The following CDK6 variants were observed in gnomAD, a reference collection of about 807,000 sequenced individuals.
The protein encoded by CDK6 is cyclin-dependent kinase 6.
A neutral mutation model predicts 37.1 loss-of-function variants in CDK6; 6 were observed. The observed-to-expected ratio is 0.16, with a 90% confidence interval of 0.09 to 0.32. The LOEUF is 0.32. CDK6 is among the 10% of genes least tolerant of loss of function. CDK6 has a pLI of 1.00. For missense variants in CDK6, 224 were observed against 418.9 expected (o/e 0.53, Z 4.06); for synonymous variants, 160 against 161.3 (o/e 0.99, Z 0.06).
At chr7:92,690,117 CTTTAG>C (rs1797568952) in intron 4 of CDK6, among the ~76,000 whole-genome samples, 3 of 152,028 alleles carry the variant, frequency 2.0e-5, no homozygotes, top group South Asian at 2.1e-4. Flanking sequence ...TGCAGAAGCT[CTTTAG>C]TTTAGTTAAC....
intron 5 of CDK6, among the ~76,000 whole-genome samples, chr7:92,630,006 T>G (rs1796016907): frequency 6.6e-6 from 1 of 152,104 alleles, no homozygotes; most frequent in Admixed American, 6.6e-5. Flanking sequence ...CATTTAATCC[T>G]AATAATCTCC....
intron 2 of CDK6, among the ~76,000 whole-genome samples, chr7:92,802,501 T>G (rs1800606262): frequency 6.6e-6 from 1 of 152,174 alleles, no homozygotes; most frequent in Non-Finnish European, 1.5e-5. Context: ...ATTAAGAGAA[T>G]TCTGTCTACT....
At chr7:92,696,433 T>A (rs1272088102) in intron 4 of CDK6, among the ~76,000 whole-genome samples, 1 of 152,230 alleles carries the variant, frequency 6.6e-6, no homozygotes, top group Non-Finnish European at 1.5e-5. Flanking sequence ...AATAATCTTT[T>A]ATTCTTAATG....
intron 4 of CDK6, among the ~76,000 whole-genome samples, chr7:92,675,074 T>C (rs1243390792): frequency 6.6e-6 from 1 of 152,236 alleles, no homozygotes; most frequent in Admixed American, 6.5e-5. Flanking sequence ...CCTCAGGTGA[T>C]CTGCCCACCT....
chr7:92,658,296 G>C (rs928858706), intron 5 of CDK6, among the ~76,000 whole-genome samples: 3 of 151,982 alleles, frequency 2.0e-5, no homozygotes, highest in African/African-American at 7.3e-5. Flanking sequence ...CATAAAATAA[G>C]CACAAAGATT....
chr7:92,732,025 C>T (rs1470506688), intron 3 of CDK6, among the ~76,000 whole-genome samples: 1 of 152,178 alleles, frequency 6.6e-6, no homozygotes, highest in Non-Finnish European at 1.5e-5. Flanking sequence ...GGTAATGACC[C>T]AAGTGGCTAT....
At chr7:92,735,430 T>C (rs762358838) in intron 3 of CDK6, among the ~76,000 whole-genome samples, 27 of 152,168 alleles carry the variant, frequency 1.8e-4, no homozygotes, top group Non-Finnish European at 3.2e-4. Context: ...GCTCCTCTAG[T>C]AGTCCCCAGT....
chr7:92,722,397 T>C (rs566193377), intron 4 of CDK6, among the ~76,000 whole-genome samples: 1 of 152,330 alleles, frequency 6.6e-6, no homozygotes, highest in East Asian at 1.9e-4. Context: ...TTCATATATG[T>C]AATTTGTTCC....
At chr7:92,687,770 T>G (rs1797496064) in intron 4 of CDK6, among the ~76,000 whole-genome samples, 1 of 152,178 alleles carries the variant, frequency 6.6e-6, no homozygotes, top group African/African-American at 2.4e-5. Flanking sequence ...TATAGAATAC[T>G]TACATCACCA....
Position 92,725,840 on chromosome 7 carries a change from T to C in CDK6, c.370-47A>G, listed in dbSNP as rs147462046. 1.1e-4 allele frequency: 170 copies of C among 1,559,958 alleles called. 3 individuals are homozygous for C. The African/African-American group carries it at 1.7e-3, about 15-fold the overall frequency. On this transcript the variant is annotated intron_variant, in intron 3 of 7. Transcript: ENST00000424848. ...AATCAGTAAACACTCAAAACGGAAG[T>C]TGAGCATTTGCTATGCTGGACGCCG...
chr7:92,752,167 T>A (rs554898842), intron 3 of CDK6, among the ~76,000 whole-genome samples: 67 of 152,204 alleles, frequency 4.4e-4, no homozygotes, highest in African/African-American at 1.6e-3. Context: ...CCCAACTGCA[T>A]GAGAATGTCC....
chr7:92,642,160 C>T (rs1180216398), intron 5 of CDK6, among the ~76,000 whole-genome samples: 7 of 152,058 alleles, frequency 4.6e-5, no homozygotes, highest in Non-Finnish European at 8.8e-5. Flanking sequence ...AAGTAGGAGC[C>T]CCCAACTCCT....
intron 4 of CDK6, among the ~76,000 whole-genome samples, chr7:92,682,036 T>G (rs1460605656): frequency 6.6e-6 from 1 of 152,152 alleles, no homozygotes; most frequent in Admixed American, 6.5e-5. Flanking sequence ...TCCCTACTTC[T>G]CTTGACTTTC....
In CDK6 at chr7:92,609,904, C is replaced by A. The variant is rs554897389; in HGVS notation, c.*5236G>T. ...TCCTTAAGAACAATTTATTTGCAGA[C>A]AATTGTTCAGAACCTAGGTAACAAG... On this transcript the variant is annotated 3_prime_UTR_variant, in exon 8 of 8. Transcript: ENST00000424848. 1 of 230,508 alleles carries A rather than the reference C, an allele frequency of 4.3e-6. No individual in the cohort carries two copies. The highest frequency in any genetic ancestry group is 8.6e-6 in the Non-Finnish European group (1 of 116,446). The allele number at this position is 230,508 out of a possible 1,614,324, so 14.3% of individuals were successfully genotyped here. A position where few individuals can be genotyped will look rare whatever the true frequency, so the allele number is the denominator to read the frequency against.
At chr7:92,686,425 C>T (rs1797455180) in intron 4 of CDK6, among the ~76,000 whole-genome samples, 1 of 152,090 alleles carries the variant, frequency 6.6e-6, no homozygotes. Flanking sequence ...CCAATTCCAT[C>T]CAGGTTGCTG....
At chr7:92,693,245 A>G (rs951549110) in intron 4 of CDK6, among the ~76,000 whole-genome samples, 1 of 152,194 alleles carries the variant, frequency 6.6e-6, no homozygotes, top group African/African-American at 2.4e-5. Context: ...CTGGGTTAAG[A>G]GAAAGAGATA....
At chr7:92,630,793 T>C (rs1339999248) in intron 5 of CDK6, among the ~76,000 whole-genome samples, 1 of 152,162 alleles carries the variant, frequency 6.6e-6, no homozygotes. Flanking sequence ...AAATTGGGCT[T>C]AGCATTGAAA....
chr7:92,785,271 A>C (rs754678042), intron 2 of CDK6, among the ~76,000 whole-genome samples: 7 of 152,234 alleles, frequency 4.6e-5, no homozygotes, highest in Non-Finnish European at 1.0e-4. Context: ...GCTAAGAGAA[A>C]GAAGCCAGTC....
intron 2 of CDK6, among the ~76,000 whole-genome samples, chr7:92,798,806 G>A (rs1180890217): frequency 6.6e-6 from 1 of 151,936 alleles, no homozygotes; most frequent in Non-Finnish European, 1.5e-5. Context: ...CTTTACTTAG[G>A]GCTCCCAATT....
Sources: allele counts gnomAD v4.1 joint callset (sites outside exome capture counted in the v4.1 genomes callset), GRCh38; gene constraint gnomAD v4.1.1; transcripts MANE v1.5; gene names NCBI Gene and HGNC (gene_info 2026-07-23, HGNC 2026-07-21).